GABRB1: variants seen among roughly 807,000 people sequenced by gnomAD.
GABRB1 encodes gamma-aminobutyric acid type A receptor subunit beta1.
A neutral mutation model predicts 51.6 loss-of-function variants in GABRB1; 17 were observed. The ratio of observed to expected loss-of-function variants is 0.33; its 90% confidence interval spans 0.23 to 0.49. GABRB1 has a LOEUF of 0.49. Ranked by LOEUF, GABRB1 falls within the 20% of genes least tolerant of loss-of-function variation. GABRB1 has a pLI of 0.99. For synonymous variants in GABRB1, 247 were observed against 218.9 expected (o/e 1.13, Z -1.14); for missense variants, 410 against 600.6 (o/e 0.68, Z 3.32).
At chr4:47,255,291 C>A (rs1202006039) in intron 4 of GABRB1, among the ~76,000 whole-genome samples, 1 of 152,158 alleles carries the variant, frequency 6.6e-6, no homozygotes, top group African/African-American at 2.4e-5. Flanking sequence ...CATTGTCTGG[C>A]AAATTTTCAC....
At chr4:47,117,046 C>A (rs1315337431) in intron 3 of GABRB1, among the ~76,000 whole-genome samples, 1 of 152,114 alleles carries the variant, frequency 6.6e-6, no homozygotes, top group Admixed American at 6.5e-5. Context: ...ATTCCTCCAA[C>A]ACTGAAGATT....
rs1355133042 is a variant in GABRB1, at chr4:47,206,842, G to A, written c.461+45373G>A. Among the ~76,000 whole-genome samples, 4 of 151,222 alleles carry A rather than the reference G, an allele frequency of 2.6e-5. No individual in the cohort carries two copies. The East Asian group carries it at 7.8e-4, about 29-fold the overall frequency. On this transcript the variant is annotated intron_variant, in intron 4 of 8. Coordinates refer to ENST00000295454, the MANE Select transcript of GABRB1 (RefSeq NM_000812.4). ...AAATACAATATATTAAAAGTTTATT[G>A]AATTATAATATATATGTATATATAT...
chr4:47,166,927 C>G (rs945921034), intron 4 of GABRB1, among the ~76,000 whole-genome samples: 9 of 152,118 alleles, frequency 5.9e-5, no homozygotes, highest in African/African-American at 1.9e-4. Flanking sequence ...TGAAAACTCT[C>G]TCTCATTTGA....
chr4:47,323,602 G>C (rs556885757), intron 5 of GABRB1, among the ~76,000 whole-genome samples: 1 of 152,138 alleles, frequency 6.6e-6, no homozygotes, highest in Non-Finnish European at 1.5e-5. Context: ...CGGGAAATAA[G>C]AATGATAAGG....
chr4:47,096,768 T>C (rs1714458380), intron 3 of GABRB1, among the ~76,000 whole-genome samples: 1 of 152,132 alleles, frequency 6.6e-6, no homozygotes, highest in African/African-American at 2.4e-5. Flanking sequence ...TTGCAAACTT[T>C]GAAGATGGTG....
At chr4:47,297,528 G>A (rs1054963325) in intron 4 of GABRB1, among the ~76,000 whole-genome samples, 9 of 152,110 alleles carry the variant, frequency 5.9e-5, no homozygotes, top group South Asian at 2.1e-4. Flanking sequence ...TAAATTCCTC[G>A]ACACATACAC....
chr4:47,395,830 A>C (rs1021019621), intron 5 of GABRB1, among the ~76,000 whole-genome samples: 2 of 152,142 alleles, frequency 1.3e-5, no homozygotes, highest in African/African-American at 2.4e-5. Flanking sequence ...TACACCTACA[A>C]GTATATGCAA....
intron 3 of GABRB1, among the ~76,000 whole-genome samples, chr4:47,077,133 T>G (rs956779069): frequency 1.3e-5 from 2 of 152,182 alleles, no homozygotes; most frequent in Admixed American, 6.5e-5. Flanking sequence ...TGACAAAAGA[T>G]TTGTTCCACA....
At chr4:47,236,091 G>A (rs1721324519) in intron 4 of GABRB1, among the ~76,000 whole-genome samples, 2 of 152,022 alleles carry the variant, frequency 1.3e-5, no homozygotes, top group Admixed American at 6.6e-5. Context: ...AGTCTGACAA[G>A]CACAGATGAC....
chr4:47,383,416 G>A (rs1727660994), intron 5 of GABRB1, among the ~76,000 whole-genome samples: 1 of 151,904 alleles, frequency 6.6e-6, no homozygotes, highest in Non-Finnish European at 1.5e-5. Context: ...AATTGAATTG[G>A]GTAGCAGCTC....
intron 3 of GABRB1, among the ~76,000 whole-genome samples, chr4:47,145,660 C>T (rs566121914): frequency 6.6e-6 from 1 of 151,984 alleles, no homozygotes; most frequent in Non-Finnish European, 1.5e-5. Context: ...GTCAGGTAAT[C>T]TTGCAAAATC....
intron 5 of GABRB1, among the ~76,000 whole-genome samples, chr4:47,349,220 T>C (rs534929304): frequency 1.3e-5 from 2 of 152,140 alleles, no homozygotes; most frequent in Non-Finnish European, 2.9e-5. Flanking sequence ...GCTATCAGCA[T>C]GGGTGAGTTC....
intron 5 of GABRB1, among the ~76,000 whole-genome samples, chr4:47,361,258 G>C (rs1726795504): frequency 6.6e-6 from 1 of 152,112 alleles, no homozygotes; most frequent in African/African-American, 2.4e-5. Flanking sequence ...AATTTCTTCT[G>C]GGGACTTAAG....
At chr4:47,211,179 A>G (rs1171922562) in intron 4 of GABRB1, among the ~76,000 whole-genome samples, 2 of 152,256 alleles carry the variant, frequency 1.3e-5, no homozygotes, top group African/African-American at 2.4e-5. Flanking sequence ...GGTTTTGGTG[A>G]CATGAATCTG....
chr4:47,067,118 C>G (rs148906481), intron 3 of GABRB1, among the ~76,000 whole-genome samples: 3 of 152,254 alleles, frequency 2.0e-5, no homozygotes, highest in African/African-American at 7.2e-5. Context: ...ACAGTGCTAT[C>G]TTGAAAGGAT....
At chr4:47,376,529 C>T (rs961923223) in intron 5 of GABRB1, among the ~76,000 whole-genome samples, 2 of 152,182 alleles carry the variant, frequency 1.3e-5, no homozygotes, top group African/African-American at 4.8e-5. Context: ...CGCCTGTAGT[C>T]CCAGCTACTT....
chr4:47,186,203 A>T (rs545977655), intron 4 of GABRB1, among the ~76,000 whole-genome samples: 3 of 138,728 alleles, frequency 2.2e-5, no homozygotes, highest in African/African-American at 5.3e-5. Flanking sequence ...CATAAAGTCA[A>T]GGCATGAATT....
At chr4:47,338,672 A>G (rs1187903646) in intron 5 of GABRB1, among the ~76,000 whole-genome samples, 4 of 152,162 alleles carry the variant, frequency 2.6e-5, no homozygotes, top group Non-Finnish European at 5.9e-5. Flanking sequence ...TAAGCAGACA[A>G]CTTTTCAGCA....
At chr4:47,227,834 T>C (rs1237697476) in intron 4 of GABRB1, among the ~76,000 whole-genome samples, 1 of 152,146 alleles carries the variant, frequency 6.6e-6, no homozygotes, top group Non-Finnish European at 1.5e-5. Context: ...CTCTTTGCCT[T>C]GCAGATGGCT....
Sources: allele counts gnomAD v4.1 joint callset (sites outside exome capture counted in the v4.1 genomes callset), GRCh38; gene constraint gnomAD v4.1.1; transcripts MANE v1.5; gene names NCBI Gene and HGNC (gene_info 2026-07-23, HGNC 2026-07-21).